The following ZNF133 variants were observed in gnomAD, a reference collection of about 807,000 sequenced individuals.
ZNF133 encodes the protein zinc finger protein 133, also known as zinc finger protein 133 (clone pHZ-13).
Under a neutral mutation model 54.9 loss-of-function variants are expected in ZNF133, and 26 were observed. That is an observed-to-expected ratio of 0.47 (90% CI 0.35 to 0.66). The LOEUF is 0.66. ZNF133 is among the 30% of genes least tolerant of loss of function. The pLI, the probability that ZNF133 is intolerant of heterozygous loss-of-function variation, is 0.01. For missense variants in ZNF133, 653 were observed against 820.8 expected, an observed-to-expected ratio of 0.80 and a Z score of 2.50; for synonymous variants, 298 against 320.3, an observed-to-expected ratio of 0.93 and a Z score of 0.74.
At chr20:18,298,201 G>C in intron 2 of ZNF133, 88 bp from the exon 3 acceptor site, 1 of 1,508,132 alleles carries the variant, frequency 6.6e-7, no homozygotes, top group Non-Finnish European at 8.8e-7. Flanking sequence ...ATCACTTTCT[G>C]CAAAACCCAT....
chr20:18,312,596 G>C (rs1372590744), intron 6 of ZNF133: 1 of 152,216 alleles, frequency 6.6e-6, no homozygotes, highest in African/African-American at 2.4e-5. Flanking sequence ...TAAGCAAGGT[G>C]CCTGGCTTAA....
At chr20:18,297,324 T>C (rs902091248) in intron 1 of ZNF133, among the ~76,000 whole-genome samples, 15 of 152,138 alleles carry the variant, frequency 9.9e-5, no homozygotes, top group Admixed American at 1.3e-4. Flanking sequence ...TCATATAATA[T>C]TGTCTTTTTC....
chr20:18,304,184 A>G (rs1333539917), intron 3 of ZNF133, among the ~76,000 whole-genome samples: 1 of 152,168 alleles, frequency 6.6e-6, no homozygotes, highest in Non-Finnish European at 1.5e-5. Context: ...GGAAAATACA[A>G]ATGAAGACCA....
intron 6 of ZNF133, among the ~76,000 whole-genome samples, chr20:18,312,355 G>T (rs1371710895): frequency 6.6e-6 from 1 of 152,170 alleles, no homozygotes; most frequent in Non-Finnish European, 1.5e-5. Flanking sequence ...CTTTCTTTGA[G>T]AAAGCCTACA....
chr20:18,305,591 G>GCCT lies in ZNF133; in HGVS notation c.-6-87_-6-85dup. 1 of 1,586,028 alleles carries GCCT rather than the reference G, an allele frequency of 6.3e-7. No homozygotes were observed. Reference sequence around the variant, plus strand: ...TCACTGGGATCTTGATATCTCACCTGCCTCCCCCAGGGCAGCCTTATCCCT... The same window carrying GCCT: ...TCACTGGGATCTTGATATCTCACCTGCCTCCTCCCCCAGGGCAGCCTTATCCCT... On this transcript the variant is annotated intron_variant, in intron 4 of 6. Coordinates refer to ENST00000425686, the MANE Select transcript of ZNF133 (RefSeq NM_001352452.2). This position sits in a 1 kb window ranked among gnomAD's most constrained non-coding sequence, Gnocchi z 4.7.
intron 6 of ZNF133, chr20:18,313,824 T>G (rs1258540195): frequency 6.6e-6 from 1 of 152,308 alleles, no homozygotes; most frequent in Non-Finnish European, 1.5e-5. Flanking sequence ...ACCCGGCACC[T>G]GTCCTGAATA....
Position 18,306,406 on chromosome 20 carries a change from A to G in ZNF133, c.217+13A>G. 6.2e-7 allele frequency: 1 copy of G among 1,609,984 alleles called. No individual in the cohort carries two copies. Among genetic ancestry groups the G allele is most frequent in the African/African-American group, 1.3e-5 (1 of 75,002 alleles). On this transcript the variant is annotated intron_variant, in intron 6 of 6. Coordinates refer to ENST00000425686, the MANE Select transcript of ZNF133 (RefSeq NM_001352452.2). ...GCAACCTGTCCAGGTGAGTGGGAAA[A>G]CACTGGACAAATGAGACATGAGCTC...
chr20:18,310,076 C>A lies in ZNF133; in HGVS notation c.217+3683C>A. The A allele has an allele frequency of 2.6e-6, 3 of 1,157,124 alleles. No individual in the cohort carries two copies. The South Asian group carries it at 7.9e-5, about 31-fold the overall frequency. 71.7% of individuals were successfully genotyped at this position (1,157,124 alleles called of 1,614,324 possible). A position where few individuals can be genotyped will look rare whatever the true frequency, so the allele number is the denominator to read the frequency against. On this transcript the variant is annotated intron_variant, in intron 6 of 6. Coordinates refer to ENST00000425686, the MANE Select transcript of ZNF133 (RefSeq NM_001352452.2). ...CCTGAAAAGTATAGAATTATCAAAA[C>A]ATTTATATTAATAACAAGCAGCTTA...
intron 3 of ZNF133, among the ~76,000 whole-genome samples, chr20:18,300,848 A>T (rs1320012236): frequency 6.6e-6 from 1 of 152,116 alleles, no homozygotes; most frequent in Non-Finnish European, 1.5e-5. Flanking sequence ...AGAGTTTTAT[A>T]ATAATAATTG....
chr20:18,305,878 C>CT lies in ZNF133; in HGVS notation c.121+73dup. 1 of 1,545,742 alleles carries CT rather than the reference C, an allele frequency of 6.5e-7. No individual in the cohort carries two copies. The highest frequency in any genetic ancestry group is 8.7e-7 in the Non-Finnish European group (1 of 1,143,978). ...TTTAGGCTATGCTTGAAGCAGCCATCTTGCTTTGTTACTTGACCTTTGGGT... is the reference window on the plus strand; with the variant it reads ...TTTAGGCTATGCTTGAAGCAGCCATCTTTGCTTTGTTACTTGACCTTTGGGT... On this transcript the variant is annotated intron_variant, in intron 5 of 6. Transcript: ENST00000425686. The surrounding 1 kb of genome is among the most constrained non-coding windows in gnomAD (Gnocchi z 4.7).
intron 6 of ZNF133, among the ~76,000 whole-genome samples, chr20:18,309,738 G>T (rs1248536519): frequency 1.3e-5 from 2 of 152,154 alleles, no homozygotes; most frequent in African/African-American, 2.4e-5. Context: ...CCTGTGGATG[G>T]TCCTAAAAAA....
intron 3 of ZNF133, among the ~76,000 whole-genome samples, chr20:18,301,851 A>G (rs941072194): frequency 6.6e-6 from 1 of 152,162 alleles, no homozygotes; most frequent in African/African-American, 2.4e-5. Flanking sequence ...AAGAACTAAC[A>G]CTAGTTCTTC....
At chr20:18,309,661 T>C (rs2045423233) in intron 6 of ZNF133, among the ~76,000 whole-genome samples, 2 of 152,102 alleles carry the variant, frequency 1.3e-5, no homozygotes, top group African/African-American at 4.8e-5. Context: ...CTGACAGGTA[T>C]TGGTGTGGAG....
chr20:18,311,495 T>A (rs895664071), intron 6 of ZNF133, among the ~76,000 whole-genome samples: 10 of 152,298 alleles, frequency 6.6e-5, no homozygotes, highest in African/African-American at 2.4e-4. Context: ...AAGTTTAAGC[T>A]TTTTTCTGTT....
Position 18,316,542 on chromosome 20 carries a change from C to G in ZNF133, c.1691C>G (p.Ala564Gly). The G allele has an allele frequency of 1.2e-6, 2 of 1,614,032 alleles. No homozygotes were observed. The highest frequency in any genetic ancestry group is 1.7e-6 in the Non-Finnish European group (2 of 1,179,908). The change falls in exon 7 of 7, where the codon GCT (alanine) becomes GGT (glycine). Residue 564 changes from alanine (A) to glycine (G), a missense_variant. Coordinates refer to ENST00000425686, the MANE Select transcript of ZNF133 (RefSeq NM_001352452.2). ...GGACTGGGCTTTGGCAATAAGTCAG[C>G]TCTAATTACACACAAGCGGGCTCAC... ...QCGLGFGNKS[A>G]LITHKRAHSE...
intron 1 of ZNF133, among the ~76,000 whole-genome samples, chr20:18,296,193 C>G (rs1047088489): frequency 6.6e-6 from 1 of 152,098 alleles, no homozygotes; most frequent in Non-Finnish European, 1.5e-5. Context: ...TCTAAGTTTA[C>G]AATTATGTAT....
chr20:18,289,598 C>G (rs972184286), intron 1 of ZNF133, among the ~76,000 whole-genome samples: 1 of 152,164 alleles, frequency 6.6e-6, no homozygotes. Flanking sequence ...TCACCTTGGG[C>G]AAGATGCTGA....
In ZNF133 at chr20:18,289,879, C is replaced by T. The variant is rs531489642; in HGVS notation, c.-432+1275C>T. 7.2e-5 allele frequency: 11 copies of T among 152,394 alleles called. No homozygotes were observed. The East Asian group carries it at 1.7e-3, about 24-fold the overall frequency. 9.4% of individuals were successfully genotyped at this position (152,394 alleles called of 1,614,324 possible). A position where few individuals can be genotyped will look rare whatever the true frequency, so the allele number is the denominator to read the frequency against. ...CCAGGAAGCTGCCCGCAGTTCTTTT[C>T]TCCTTTTCTTCTGTGGCAGGTTCAT... On this transcript the variant is annotated intron_variant, in intron 1 of 6. Transcript: ENST00000425686.
chr20:18,294,171 A>G (rs1037997304), intron 1 of ZNF133, among the ~76,000 whole-genome samples: 3 of 152,244 alleles, frequency 2.0e-5, no homozygotes, highest in Non-Finnish European at 4.4e-5. Flanking sequence ...GCCAGTAAAA[A>G]GACATAACAA....
Sources: allele counts gnomAD v4.1 joint callset (sites outside exome capture counted in the v4.1 genomes callset), GRCh38; gene constraint gnomAD v4.1.1; non-coding constraint Gnocchi (gnomAD v3.1); transcripts MANE v1.5; gene names NCBI Gene and HGNC (gene_info 2026-07-23, HGNC 2026-07-21).